Variants in IL4R observed in about 807,000 individuals in gnomAD.
IL4R encodes the protein interleukin-4 receptor subunit alpha.
In IL4R, 17 loss-of-function variants were observed where a neutral mutation model predicts 41.5. That is an observed-to-expected ratio of 0.41 (90% CI 0.28 to 0.61). The LOEUF is 0.61. Among genes scored for constraint, IL4R ranks in the 20% least tolerant of loss-of-function variants. IL4R has a pLI of 0.31. For synonymous variants in IL4R, 402 were observed against 422.9 expected (o/e 0.95, Z 0.61); for missense variants, 974 against 1,043.1 (o/e 0.93, Z 0.91).
chr16:27,345,321 C>A lies in IL4R; in HGVS notation c.361+301C>A. ...TGCTTGCTGGAAGGCATGCCTGCTG[C>A]TGATTGAAAACCGAACTGGGAACAT... On this transcript the variant is annotated intron_variant, in intron 5 of 10. Coordinates refer to ENST00000395762, the MANE Select transcript of IL4R (RefSeq NM_000418.4). This position sits in a 1 kb window ranked among gnomAD's most constrained non-coding sequence, Gnocchi z 4.5. 1 of 500,032 alleles carries A rather than the reference C, an allele frequency of 2.0e-6. No individual in the cohort carries two copies. Among genetic ancestry groups the A allele is most frequent in the Non-Finnish European group, 3.8e-6 (1 of 261,038 alleles). 31.0% of individuals were successfully genotyped at this position (500,032 alleles called of 1,614,324 possible).
intron 2 of IL4R, among the ~76,000 whole-genome samples, chr16:27,337,745 TA>T (rs1178009592): frequency 6.6e-6 from 1 of 150,988 alleles, no homozygotes; most frequent in Non-Finnish European, 1.5e-5. Context: ...ACCGCCCGGC[TA>T]ATTTTTTTTT....
At chr16:27,359,385 C>T (rs1461860500) in intron 9 of IL4R, among the ~76,000 whole-genome samples, 4 of 152,088 alleles carry the variant, frequency 2.6e-5, no homozygotes, top group Non-Finnish European at 5.9e-5. Context: ...AGGAAACTGC[C>T]CCCGAAGCAC....
intron 8 of IL4R, among the ~76,000 whole-genome samples, chr16:27,357,882 C>A (rs1596535767): frequency 6.6e-6 from 1 of 151,206 alleles, no homozygotes; most frequent in Non-Finnish European, 1.5e-5. Flanking sequence ...CTCATATAAG[C>A]ATTTCTTTCG....
At chr16:27,320,173 G>A (rs950442215) in intron 1 of IL4R, among the ~76,000 whole-genome samples, 33 of 152,140 alleles carry the variant, frequency 2.2e-4, no homozygotes, top group African/African-American at 7.7e-4. Flanking sequence ...GGCCCTGGGT[G>A]CGTGCTTCTT....
At chr16:27,339,740 T>C (rs893128985) in intron 2 of IL4R, among the ~76,000 whole-genome samples, 1 of 152,064 alleles carries the variant, frequency 6.6e-6, no homozygotes, top group Non-Finnish European at 1.5e-5. Context: ...GTGGAGGACC[T>C]GTTGTCGGCA....
rs971667765 is a variant in IL4R at position 27,359,938 on chromosome 16, G to A, written c.850-828G>A. ...AGCAGTGAGGGTGGCGGGGGAGGCT[G>A]GGCTGGGCTGGGCTGGGCAGATCTG... On this transcript the variant is annotated intron_variant, in intron 9 of 10. Coordinates refer to ENST00000395762, the MANE Select transcript of IL4R (RefSeq NM_000418.4). 3 of 402,122 alleles carry A rather than the reference G, an allele frequency of 7.5e-6. No individual in the cohort carries two copies. The East Asian group carries it at 2.2e-4, about 30-fold the overall frequency. 24.9% of individuals were successfully genotyped at this position (402,122 alleles called of 1,614,324 possible).
intron 2 of IL4R, among the ~76,000 whole-genome samples, chr16:27,336,501 A>AC (rs1567314541): frequency 6.6e-6 from 1 of 151,428 alleles, no homozygotes; most frequent in South Asian, 2.1e-4. Flanking sequence ...ACATAATGAG[A>AC]CCCCATCTCT....
intron 9 of IL4R, 139 bp downstream of exon 9, chr16:27,359,133 A>G (rs3024658): frequency 0.92 from 619,774 of 672,488 alleles, 287,461 homozygotes; most frequent in Middle Eastern, 0.95. Context: ...GGAGACAGAG[A>G]CAGAAGCCGA....
chr16:27,346,158 G>A (rs916084226), intron 5 of IL4R, among the ~76,000 whole-genome samples: 1 of 152,146 alleles, frequency 6.6e-6, no homozygotes, highest in Non-Finnish European at 1.5e-5. Context: ...CTGGGCTATT[G>A]AGGCTGCAGT....
intron 9 of IL4R, 33 bp downstream of exon 9, chr16:27,359,027 C>CA: frequency 6.6e-7 from 1 of 1,517,496 alleles, no homozygotes; most frequent in South Asian, 1.1e-5. Flanking sequence ...ACATGTGGGA[C>CA]TGTGTACATG....
intron 2 of IL4R, among the ~76,000 whole-genome samples, chr16:27,332,136 A>G (rs1241354275): frequency 6.6e-6 from 1 of 151,862 alleles, no homozygotes; most frequent in Non-Finnish European, 1.5e-5. Context: ...TGCCACCTCT[A>G]ATAACTTTTC....
chr16:27,339,845 T>G (rs1346517691), intron 2 of IL4R, among the ~76,000 whole-genome samples: 1 of 151,764 alleles, frequency 6.6e-6, no homozygotes, highest in Non-Finnish European at 1.5e-5. Context: ...GATCATGAGG[T>G]CAGAAGTTCA....
rs544031741 is a variant in IL4R, at chr16:27,334,034, C to T, written c.-19+3836C>T. Reference sequence around the variant, plus strand: ...AGTAGCTGGGACTACAGGCACCCGCCACCACGCCCAGCTAATTTTTTGTAT... The same window carrying T: ...AGTAGCTGGGACTACAGGCACCCGCTACCACGCCCAGCTAATTTTTTGTAT... On this transcript the variant is annotated intron_variant, in intron 2 of 10. Transcript: ENST00000395762. Among the ~76,000 whole-genome samples the T allele has an allele frequency of 1.3e-3, 194 of 152,164 alleles. 2 individuals are homozygous for T. The highest frequency in any genetic ancestry group is 4.1e-3 in the African/African-American group (171 of 41,540).
chr16:27,357,084 C>T (rs2086104802), intron 8 of IL4R, among the ~76,000 whole-genome samples: 2 of 152,092 alleles, frequency 1.3e-5, no homozygotes, highest in Non-Finnish European at 2.9e-5. Context: ...TGAAAGTGCC[C>T]ACTCTTGGCC....
intron 1 of IL4R, among the ~76,000 whole-genome samples, chr16:27,317,081 A>G (rs2084672398): frequency 6.6e-6 from 1 of 151,942 alleles, no homozygotes; most frequent in South Asian, 2.1e-4. Context: ...TTGTTTTTAT[A>G]TTTTTAGAGA....
chr16:27,336,676 CAAA>C (rs67336687), intron 2 of IL4R, among the ~76,000 whole-genome samples: 14 of 68,316 alleles, frequency 2.0e-4, no homozygotes, highest in Admixed American at 5.5e-4. Context: ...AACTCTGTCT[CAAA>C]AAAAAAAAAA....
At position 27,358,844 on chromosome 16, in the gene IL4R, G is replaced by A. The variant is rs139173507; in HGVS notation, c.771-72G>A. 9.3e-4 allele frequency: 1,097 copies of A among 1,180,156 alleles called. 12 individuals carry two copies. In the African/African-American group the frequency reaches 0.015, roughly 16 times the overall value. The allele number at this position is 1,180,156 out of a possible 1,614,324, so 73.1% of individuals were successfully genotyped here. On this transcript the variant is annotated intron_variant, in intron 8 of 10. Coordinates refer to ENST00000395762, the MANE Select transcript of IL4R (RefSeq NM_000418.4). ...ATGCCAAATAAGTATTGGTGATAAC[G>A]ACCACTTTTATGGGAGGAGCGTTCA...
intron 2 of IL4R, among the ~76,000 whole-genome samples, chr16:27,339,320 T>C (rs1050844081): frequency 1.3e-5 from 2 of 152,112 alleles, no homozygotes; most frequent in Admixed American, 6.6e-5. Context: ...TACGTTTCTG[T>C]TCTTTGTAAA....
intron 2 of IL4R, among the ~76,000 whole-genome samples, chr16:27,337,040 G>C (rs2085281574): frequency 6.6e-6 from 1 of 152,044 alleles, no homozygotes. Context: ...TCGCGCCATT[G>C]CACTCCAGCC....
Sources: gnomAD v4.1 joint callset for allele counts (sites outside exome capture counted in the v4.1 genomes callset) on GRCh38, gnomAD v4.1.1 for gene constraint, Gnocchi (gnomAD v3.1) non-coding constraint, MANE v1.5 for transcripts, NCBI Gene and HGNC (gene_info 2026-07-23, HGNC 2026-07-21) for gene names.